ANP32A: variants seen among roughly 807,000 people sequenced by gnomAD.
ANP32A encodes the protein acidic nuclear phosphoprotein 32 family member A, also known as acidic leucine-rich nuclear phosphoprotein 32 family member A.
ANP32A carries 1 observed loss-of-function variant against 33.9 expected under a neutral mutation model. The ratio of observed to expected loss-of-function variants is 0.03; its 90% CI spans 0.01 to 0.14. ANP32A has a LOEUF of 0.14. ANP32A is among the 10% of genes least tolerant of loss of function. The pLI, the probability that ANP32A is intolerant of heterozygous loss-of-function variation, is 1.00. For synonymous variants in ANP32A, 115 were observed against 120.5 expected, an observed-to-expected ratio of 0.95 and a Z score of 0.30; for missense variants, 155 against 306.0, an observed-to-expected ratio of 0.51 and a Z score of 3.68.
Position 68,793,698 on chromosome 15 carries a change from C to T in ANP32A, c.55-5779G>A, listed in dbSNP as rs541736522. ...GATGAGGGGGACCCAGAAGGACCAA[C>T]GGAGGAGATACACTATATCAAAAGC... On this transcript the variant is annotated intron_variant, in intron 1 of 6. Transcript: ENST00000465139. 6.4e-4 allele frequency among the ~76,000 whole-genome samples: 97 copies of T among 152,206 alleles called. 1 individual carries two copies. Among genetic ancestry groups the T allele is most frequent in the African/African-American group, 2.1e-3 (87 of 41,530 alleles).
chr15:68,805,553 G>T lies in ANP32A; in HGVS notation c.54+15145C>A, dbSNP rs1226775938. 3.3e-5 allele frequency among the ~76,000 whole-genome samples: 5 copies of T among 152,388 alleles called. No homozygotes were observed. In the East Asian group the frequency reaches 9.6e-4, roughly 29 times the overall value. ...GCCCAAGGCTGGTGTGAGCAGAGCA[G>T]TGGCCGGCTATTATACTTGTCCTTC... is the stretch of plus-strand genomic sequence containing the variant. On this transcript the variant is annotated intron_variant, in intron 1 of 6. Coordinates refer to ENST00000465139, the MANE Select transcript of ANP32A (RefSeq NM_006305.4).
Position 68,780,719 on chromosome 15 carries a change from T to C in ANP32A, c.625-246A>G. On this transcript the variant is annotated intron_variant, in intron 5 of 6. Transcript: ENST00000465139. The surrounding 1 kb of genome is among the most constrained non-coding windows in gnomAD (Gnocchi z 4.3). ...AAATGTCCGTATCATTTATAATATT[T>C]GCAAGCAGTTTCAGGGGGTTATGGA... is the stretch of plus-strand genomic sequence containing the variant. The C allele has an allele frequency of 1.9e-6, 1 of 524,806 alleles. No homozygotes were observed. Among genetic ancestry groups the C allele is most frequent in the Non-Finnish European group, 3.1e-6 (1 of 321,576 alleles). The allele number at this position is 524,806 out of a possible 1,614,324, so 32.5% of individuals were successfully genotyped here. A position where few individuals can be genotyped will look rare whatever the true frequency, so the allele number is the denominator to read the frequency against.
At position 68,780,304 on chromosome 15, in the gene ANP32A, G is replaced by A. The variant is rs1397697453; in HGVS notation, c.688+106C>T. Reference sequence around the variant, plus strand: ...GCTGGAAGGGGAATCTGAGGCCTCTGACAGGAGTGTCCTGCCCACTGCCAG... The same window carrying A: ...GCTGGAAGGGGAATCTGAGGCCTCTAACAGGAGTGTCCTGCCCACTGCCAG... On this transcript the variant is annotated intron_variant, in intron 6 of 6. Transcript: ENST00000465139. The surrounding 1 kb of genome is among the most constrained non-coding windows in gnomAD (Gnocchi z 4.3). 2.5e-6 allele frequency: 4 copies of A among 1,583,078 alleles called. No homozygotes were observed. The highest frequency in any genetic ancestry group is 2.7e-5 in the African/African-American group (2 of 73,916).
intron 1 of ANP32A, chr15:68,791,491 C>T (rs1417713028): frequency 6.5e-6 from 1 of 152,732 alleles, no homozygotes; most frequent in Non-Finnish European, 1.5e-5. Flanking sequence ...GGCACCACCC[C>T]TAGAGGTCTC....
intron 1 of ANP32A, among the ~76,000 whole-genome samples, chr15:68,788,492 A>G (rs1475565037): frequency 1.3e-5 from 2 of 151,926 alleles, no homozygotes; most frequent in South Asian, 2.1e-4. Context: ...CAGCTCTCCC[A>G]CCTCTAGCCC....
intron 1 of ANP32A, chr15:68,818,349 G>A: frequency 1.1e-5 from 2 of 185,312 alleles, no homozygotes; most frequent in Non-Finnish European, 2.4e-5. Context: ...GGGCAGCGCG[G>A]CGGGGAGGGG....
chr15:68,807,597 C>G (rs1894252711), intron 1 of ANP32A, among the ~76,000 whole-genome samples: 1 of 152,188 alleles, frequency 6.6e-6, no homozygotes, highest in South Asian at 2.1e-4. Context: ...ACCCCCACCG[C>G]TGACCAAACA....
At chr15:68,803,736 AT>A (rs1359202839) in intron 1 of ANP32A, among the ~76,000 whole-genome samples, 14 of 152,176 alleles carry the variant, frequency 9.2e-5, no homozygotes, top group African/African-American at 3.1e-4. Context: ...TAGAAAAAAA[AT>A]AGGACAAAAA....
chr15:68,779,829 C>A lies in ANP32A; in HGVS notation c.*252G>T, dbSNP rs938385396. 1 of 505,300 alleles carries A rather than the reference C, an allele frequency of 2.0e-6. No individual in the cohort carries two copies. Among genetic ancestry groups the A allele is most frequent in the Non-Finnish European group, 3.5e-6 (1 of 283,854 alleles). The allele number at this position is 505,300 out of a possible 1,614,324, so 31.3% of individuals were successfully genotyped here. A position where few individuals can be genotyped will look rare whatever the true frequency, so the allele number is the denominator to read the frequency against. On this transcript the variant is annotated 3_prime_UTR_variant, in exon 7 of 7. Transcript: ENST00000465139. The stretch of plus-strand genomic sequence containing the variant: ...TACTTAGCTATCGCATTTACAGGGA[C>A]AAAAACCGGACACAAAGAAAAAGTA...
intron 1 of ANP32A, among the ~76,000 whole-genome samples, chr15:68,793,144 A>T (rs924215133): frequency 1.3e-5 from 2 of 152,210 alleles, no homozygotes; most frequent in African/African-American, 4.8e-5. Context: ...CCTAGAGGTC[A>T]GGGACTGTCC....
chr15:68,783,917 A>G (rs1374082448), intron 4 of ANP32A, among the ~76,000 whole-genome samples: 2 of 151,914 alleles, frequency 1.3e-5, no homozygotes, highest in Non-Finnish European at 2.9e-5. Flanking sequence ...CCTCTCCACT[A>G]CTGAATACCT....
chr15:68,781,823 C>T (rs1428259870), intron 5 of ANP32A, among the ~76,000 whole-genome samples: 7 of 152,252 alleles, frequency 4.6e-5, no homozygotes, highest in African/African-American at 7.2e-5. Flanking sequence ...AGGCTGGTCT[C>T]GATCTCCTGA....
In ANP32A at chr15:68,785,901, C is replaced by T. The variant is rs571651363; in HGVS notation, c.328-1306G>A. On this transcript the variant is annotated intron_variant, in intron 3 of 6. Coordinates refer to ENST00000465139, the MANE Select transcript of ANP32A (RefSeq NM_006305.4). ...AATGACATTATAAAATCAAGACTTC[C>T]AGACAGATCAAAATAGTTTGGCTTT... 3.3e-5 allele frequency among the ~76,000 whole-genome samples: 5 copies of T among 152,314 alleles called. No individual in the cohort carries two copies. The South Asian group carries it at 1.0e-3, about 32-fold the overall frequency.
At chr15:68,816,535 G>A (rs1438532124) in intron 1 of ANP32A, among the ~76,000 whole-genome samples, 1 of 152,124 alleles carries the variant, frequency 6.6e-6, no homozygotes, top group Admixed American at 6.5e-5. Context: ...CTAAACCATG[G>A]AGGAGCTCAA....
At chr15:68,794,175 T>C (rs1894033809) in intron 1 of ANP32A, among the ~76,000 whole-genome samples, 1 of 152,212 alleles carries the variant, frequency 6.6e-6, no homozygotes, top group Admixed American at 6.5e-5. Context: ...TTCCCCTTTT[T>C]CCATGGCTAT....
chr15:68,820,540 A>G, intron 1 of ANP32A, among the ~76,000 whole-genome samples, 158 bp downstream of exon 1: 1 of 129,702 alleles, frequency 7.7e-6, no homozygotes. Context: ...TGGCATTGCA[A>G]CCCCCCAGCC....
At chr15:68,813,625 G>C (rs1284351191) in intron 1 of ANP32A, among the ~76,000 whole-genome samples, 2 of 152,190 alleles carry the variant, frequency 1.3e-5, no homozygotes, top group East Asian at 3.9e-4. Flanking sequence ...TAGAGTAAGG[G>C]ATGGACTGCC....
chr15:68,779,703 A>T lies in ANP32A; in HGVS notation c.*378T>A. 1 of 184,996 alleles carries T rather than the reference A, an allele frequency of 5.4e-6. No individual in the cohort carries two copies. Among genetic ancestry groups the T allele is most frequent in the Non-Finnish European group, 1.1e-5 (1 of 88,926 alleles). 11.5% of individuals were successfully genotyped at this position (184,996 alleles called of 1,614,324 possible). ...GAGTAACCAAACTGAGACCAGCCAC[A>T]GCCTTCCAACCAACCCAAGAGACTT... On this transcript the variant is annotated 3_prime_UTR_variant, in exon 7 of 7. Transcript: ENST00000465139.
At chr15:68,806,602 G>C (rs1021650958) in intron 1 of ANP32A, among the ~76,000 whole-genome samples, 1 of 152,236 alleles carries the variant, frequency 6.6e-6, no homozygotes, top group Non-Finnish European at 1.5e-5. Flanking sequence ...GTCTGCAACA[G>C]AGCCATAAAC....
Sources: gnomAD v4.1 joint callset for allele counts (sites outside exome capture counted in the v4.1 genomes callset) on GRCh38, gnomAD v4.1.1 for gene constraint, Gnocchi (gnomAD v3.1) non-coding constraint, MANE v1.5 for transcripts, NCBI Gene and HGNC (gene_info 2026-07-23, HGNC 2026-07-21) for gene names.